Variants in FNBP1 observed in about 807,000 individuals in gnomAD.
The protein encoded by FNBP1 is formin-binding protein 1.
In FNBP1, 26 loss-of-function variants were observed where a neutral mutation model predicts 90.6. The ratio of observed to expected loss-of-function variants is 0.29; its 90% confidence interval spans 0.21 to 0.40. FNBP1 has a LOEUF of 0.40. Among genes scored for constraint, FNBP1 ranks in the 10% least tolerant of loss-of-function variants. The pLI is 1.00. For synonymous variants in FNBP1, 260 were observed against 265.2 expected, an observed-to-expected ratio of 0.98 and a Z score of 0.19; for missense variants, 635 against 768.0, an observed-to-expected ratio of 0.83 and a Z score of 2.05.
the FNBP1 span, among the ~76,000 whole-genome samples, chr9:130,049,880 G>GTTTTGT: frequency 6.6e-6 from 1 of 151,960 alleles, no homozygotes; most frequent in Non-Finnish European, 1.5e-5. Context: ...TGTGTTTTGT[G>GTTTTGT]TTTTGTTTTT....
rs559913043 is a variant in FNBP1 at position 130,041,802 on chromosome 9, G to A, written c.24+1150C>T. ...CAAAACAAAAAACAAGGGAGGATGT[G>A]CTCTGTTTCTGTAATTGCTCTAACC... On this transcript the variant is annotated intron_variant, in intron 1 of 16. Transcript: ENST00000446176. The surrounding 1 kb of genome is among the most constrained non-coding windows in gnomAD (Gnocchi z 4.3). Among the ~76,000 whole-genome samples the A allele has an allele frequency of 1.1e-4, 16 of 152,266 alleles. No individual in the cohort carries two copies. In the South Asian group the frequency reaches 3.3e-3, roughly 32 times the overall value.
intron 1 of FNBP1, among the ~76,000 whole-genome samples, chr9:130,025,784 C>T (rs1320983753): frequency 6.6e-6 from 1 of 152,094 alleles, no homozygotes; most frequent in Non-Finnish European, 1.5e-5. Flanking sequence ...ATTAGCCGGG[C>T]GTGGTGGCAC....
chr9:129,999,769 T>C (rs1327797440), intron 1 of FNBP1, among the ~76,000 whole-genome samples: 4 of 152,176 alleles, frequency 2.6e-5, no homozygotes, highest in Non-Finnish European at 5.9e-5. Flanking sequence ...ATGTTTTTAT[T>C]TTTTAAAACT....
chr9:130,040,626 G>GAAAA (rs3055737), intron 1 of FNBP1, among the ~76,000 whole-genome samples: 3 of 139,166 alleles, frequency 2.2e-5, no homozygotes, highest in Non-Finnish European at 3.1e-5. Context: ...CTCCGTCTCA[G>GAAAA]AAAAAAAAAA....
intron 6 of FNBP1, among the ~76,000 whole-genome samples, chr9:129,948,457 C>T (rs1293639669): frequency 7.2e-6 from 1 of 139,444 alleles, no homozygotes; most frequent in African/African-American, 2.7e-5. Context: ...CTCCCCGTCC[C>T]AGGTTCAAGA....
At chr9:130,029,067 A>G (rs536236373) in intron 1 of FNBP1, among the ~76,000 whole-genome samples, 15 of 152,336 alleles carry the variant, frequency 9.8e-5, no homozygotes, top group African/African-American at 3.6e-4. Flanking sequence ...CATATAAGCA[A>G]AACATTTTTT....
At chr9:129,921,749 T>C (rs2041149829) in intron 10 of FNBP1, among the ~76,000 whole-genome samples, 1 of 152,168 alleles carries the variant, frequency 6.6e-6, no homozygotes, top group Non-Finnish European at 1.5e-5. Flanking sequence ...GGAAATACGA[T>C]TGTCAGGTTA....
intron 10 of FNBP1, chr9:129,916,181 T>A: frequency 1.7e-6 from 1 of 581,506 alleles, no homozygotes; most frequent in South Asian, 2.1e-5. Context: ...TGCTCCCTAA[T>A]AACATTTTTC....
At position 129,900,557 on chromosome 9, in the gene FNBP1, A is replaced by G; in HGVS notation, c.1429-10T>C. The G allele has an allele frequency of 1.9e-6, 3 of 1,544,348 alleles. No individual in the cohort carries two copies. The highest frequency in any genetic ancestry group is 2.6e-6 in the Non-Finnish European group (3 of 1,149,360). The stretch of plus-strand genomic sequence containing the variant: ...CCTCAGCCAGCCAGGCCTGGAGACA[A>G]AAGCAATGAGAGACTCCAACCTAAG... On this transcript the variant is annotated splice_polypyrimidine_tract_variant and intron_variant, in intron 13 of 16. Transcript: ENST00000446176. This position sits in a 1 kb window ranked among gnomAD's most constrained non-coding sequence, Gnocchi z 4.1.
chr9:129,979,296 C>T (rs1450153897), intron 3 of FNBP1, 22 bp downstream of exon 3: 2 of 1,512,134 alleles, frequency 1.3e-6, no homozygotes, highest in Admixed American at 3.4e-5. Context: ...TATTACAAGA[C>T]AATTTTCAAT....
chr9:129,994,718 T>C, intron 2 of FNBP1, 125 bp downstream of exon 2: 3 of 436,990 alleles, frequency 6.9e-6, no homozygotes, highest in Non-Finnish European at 1.2e-5. Flanking sequence ...ATCACTTCTA[T>C]TGAAATATTA....
chr9:129,929,012 T>C (rs1267391958), intron 7 of FNBP1, among the ~76,000 whole-genome samples: 1 of 151,988 alleles, frequency 6.6e-6, no homozygotes, highest in African/African-American at 2.4e-5. Flanking sequence ...GATCCCTTGA[T>C]CCTTTGAGCC....
intron 11 of FNBP1, 148 bp downstream of exon 11, chr9:129,915,818 C>G (rs1342746930): frequency 1.6e-6 from 1 of 611,902 alleles, no homozygotes; most frequent in African/African-American, 1.9e-5. Flanking sequence ...TCCAAGAAGT[C>G]TAATAAGGAA....
At chr9:129,974,797 C>T (rs890499327) in intron 4 of FNBP1, among the ~76,000 whole-genome samples, 8 of 149,924 alleles carry the variant, frequency 5.3e-5, no homozygotes, top group Non-Finnish European at 1.0e-4. Flanking sequence ...GAGGTTGAAG[C>T]TACAGTGAGC....
At chr9:129,981,847 C>T (rs1462614564) in intron 2 of FNBP1, among the ~76,000 whole-genome samples, 1 of 151,850 alleles carries the variant, frequency 6.6e-6, no homozygotes, top group African/African-American at 2.4e-5. Flanking sequence ...TGCAATTATT[C>T]AAAAAATGGA....
intron 6 of FNBP1, among the ~76,000 whole-genome samples, chr9:129,938,376 A>ATC (rs1366760849): frequency 6.6e-6 from 1 of 152,166 alleles, no homozygotes; most frequent in East Asian, 1.9e-4. Flanking sequence ...CTTTTCAGAT[A>ATC]GAGTGCTGTG....
At chr9:129,945,997 A>G (rs901521166) in intron 6 of FNBP1, among the ~76,000 whole-genome samples, 11 of 152,092 alleles carry the variant, frequency 7.2e-5, no homozygotes, top group Admixed American at 4.6e-4. Flanking sequence ...GTGAAAGCCT[A>G]TCTCTACTAA....
At position 129,931,070 on chromosome 9, in the gene FNBP1, C is replaced by T. The variant is rs72757252; in HGVS notation, c.514-1375G>A. ...TGCAATCCCAGCTCTATGGAAGGCT[C>T]GGGTGGGCAGATTGCTTGAGCCCAG... On this transcript the variant is annotated intron_variant, in intron 6 of 16. Coordinates refer to ENST00000446176, the MANE Select transcript of FNBP1 (RefSeq NM_015033.3). Among the ~76,000 whole-genome samples the T allele has an allele frequency of 8.9e-3, 1,348 of 152,032 alleles. 12 individuals carry two copies. The highest frequency in any genetic ancestry group is 0.012 in the Admixed American group (190 of 15,256).
chr9:129,916,619 A>G (rs922116100), intron 10 of FNBP1, among the ~76,000 whole-genome samples: 2 of 151,842 alleles, frequency 1.3e-5, no homozygotes, highest in Non-Finnish European at 2.9e-5. Flanking sequence ...TCCATCTCAA[A>G]AAAAAAACAA....
Sources: allele counts gnomAD v4.1 joint callset (sites outside exome capture counted in the v4.1 genomes callset), GRCh38; gene constraint gnomAD v4.1.1; non-coding constraint Gnocchi (gnomAD v3.1); transcripts MANE v1.5; gene names NCBI Gene and HGNC (gene_info 2026-07-23, HGNC 2026-07-21).